SLC4A10: variants seen among roughly 807,000 people sequenced by gnomAD.
The protein encoded by SLC4A10 is sodium-driven chloride bicarbonate exchanger.
SLC4A10 carries 42 observed loss-of-function variants against 137.7 expected under a neutral mutation model. The ratio of observed to expected loss-of-function variants is 0.30; its 90% confidence interval spans 0.24 to 0.39. SLC4A10 has a LOEUF of 0.39. SLC4A10 is among the 10% of genes least tolerant of loss of function. SLC4A10 has a pLI of 1.00. For synonymous variants in SLC4A10, 474 were observed against 464.1 expected, an observed-to-expected ratio of 1.02 and a Z score of -0.27; for missense variants, 925 against 1,355.0, an observed-to-expected ratio of 0.68 and a Z score of 4.98.
At chr2:161,865,993 A>G (rs1419148408) in intron 6 of SLC4A10, among the ~76,000 whole-genome samples, 1 of 152,048 alleles carries the variant, frequency 6.6e-6, no homozygotes, top group African/African-American at 2.4e-5. Context: ...TATAGAATAG[A>G]AATTAAATAG....
intron 1 of SLC4A10, among the ~76,000 whole-genome samples, chr2:161,698,186 C>G (rs1347282037): frequency 6.6e-6 from 1 of 152,130 alleles, no homozygotes; most frequent in Non-Finnish European, 1.5e-5. Context: ...GAAGTTGCTT[C>G]CCAGCTTAAG....
intron 1 of SLC4A10, among the ~76,000 whole-genome samples, chr2:161,723,138 A>G (rs1164524179): frequency 1.3e-5 from 2 of 152,168 alleles, no homozygotes; most frequent in Non-Finnish European, 2.9e-5. Flanking sequence ...GCCTGCCGAG[A>G]GTCCTCACAG....
chr2:161,932,376 T>C (rs1575707736), intron 15 of SLC4A10, among the ~76,000 whole-genome samples: 1 of 152,174 alleles, frequency 6.6e-6, no homozygotes, highest in Non-Finnish European at 1.5e-5. Flanking sequence ...GAGGCTACCA[T>C]GGGTATAATG....
intron 6 of SLC4A10, among the ~76,000 whole-genome samples, chr2:161,871,760 C>A (rs1349595250): frequency 6.6e-6 from 1 of 152,094 alleles, no homozygotes; most frequent in Non-Finnish European, 1.5e-5. Flanking sequence ...GTATTTCTAA[C>A]TGAACCCCCT....
At chr2:161,786,535 T>C (rs937207030) in intron 2 of SLC4A10, among the ~76,000 whole-genome samples, 11 of 151,960 alleles carry the variant, frequency 7.2e-5, no homozygotes, top group Admixed American at 2.6e-4. Flanking sequence ...TGAGCTTTTA[T>C]GACAGGAGAG....
intron 15 of SLC4A10, among the ~76,000 whole-genome samples, chr2:161,937,404 C>A (rs1691772337): frequency 6.6e-6 from 1 of 152,164 alleles, no homozygotes; most frequent in African/African-American, 2.4e-5. Context: ...TCCTCCACCC[C>A]TTCTGTTTCA....
intron 15 of SLC4A10, among the ~76,000 whole-genome samples, chr2:161,912,680 G>T (rs1343697008): frequency 6.6e-6 from 1 of 152,060 alleles, no homozygotes; most frequent in Non-Finnish European, 1.5e-5. Flanking sequence ...GAGACTATTA[G>T]CCATGTCTCA....
chr2:161,754,657 T>G (rs2049388480), intron 1 of SLC4A10, among the ~76,000 whole-genome samples: 1 of 152,162 alleles, frequency 6.6e-6, no homozygotes, highest in Non-Finnish European at 1.5e-5. Context: ...TTGTCTGTCT[T>G]TGTTTTTCCT....
In SLC4A10 at chr2:161,699,757, T is replaced by C. The variant is rs146544970; in HGVS notation, c.49-71216T>C. 5.8e-3 allele frequency among the ~76,000 whole-genome samples: 890 copies of C among 152,300 alleles called. 11 individuals are homozygous for C. Among genetic ancestry groups the C allele is most frequent in the African/African-American group, 0.021 (859 of 41,568 alleles). On this transcript the variant is annotated intron_variant, in intron 1 of 26. Coordinates refer to ENST00000446997, the MANE Select transcript of SLC4A10 (RefSeq NM_001178015.2). ...AGGAAGGTTTCATGGAAGATGTTCT[T>C]TGTTCAACTTTGATGGATAGATAAG...
intron 1 of SLC4A10, among the ~76,000 whole-genome samples, chr2:161,702,778 G>A (rs2043258736): frequency 4.0e-5 from 6 of 151,810 alleles, no homozygotes; most frequent in Admixed American, 3.3e-4. Context: ...TATTCAAAGA[G>A]TTGTTTTGCC....
intron 15 of SLC4A10, among the ~76,000 whole-genome samples, chr2:161,932,089 T>G (rs1233840676): frequency 1.3e-5 from 2 of 152,188 alleles, no homozygotes; most frequent in Non-Finnish European, 2.9e-5. Flanking sequence ...ATCAAACTCT[T>G]ATGGTGTTGG....
At position 161,879,172 on chromosome 2, in the gene SLC4A10, A is replaced by T. The variant is rs536638756; in HGVS notation, c.990A>T (p.Glu330Asp). The part of the protein sequence containing the change: ...HFMKKIPPGA[E>D]ASNILVGELE... ...TGAAAAAGATTCCTCCAGGTGCTGA[A>T]GCATCGAACATCTTAGTGGGAGAAC... is the stretch of plus-strand genomic sequence containing the variant. The change falls in exon 9 of 27, where the codon GAA becomes GAT. Residue 330 changes from glutamate to aspartate, a missense_variant. Glu to Asp is a conservative substitution (Grantham distance 45). This residue lies in a region of SLC4A10 where 277 missense variants were observed against 306.1 expected (regional missense o/e 0.90). Transcript: ENST00000446997. 6.2e-7 allele frequency: 1 copy of T among 1,613,510 alleles called. No individual in the cohort carries two copies. The highest frequency in any genetic ancestry group is 1.1e-5 in the South Asian group (1 of 91,060).
intron 24 of SLC4A10, 51 bp downstream of exon 24, chr2:161,974,367 T>C: frequency 2.1e-6 from 3 of 1,405,156 alleles, no homozygotes; most frequent in Non-Finnish European, 2.9e-6. Context: ...AATGCATTGT[T>C]ATATACTTTA....
At chr2:161,975,005 T>C (rs1699156631) in intron 24 of SLC4A10, among the ~76,000 whole-genome samples, 1 of 152,186 alleles carries the variant, frequency 6.6e-6, no homozygotes, top group Non-Finnish European at 1.5e-5. Context: ...TCTTTATGAA[T>C]AATTTAAGGT....
intron 5 of SLC4A10, among the ~76,000 whole-genome samples, chr2:161,859,276 T>TTTTTCTTTTC (rs139631187): frequency 0.38 from 54,484 of 144,170 alleles, 10,622 homozygotes; most frequent in East Asian, 0.61. Flanking sequence ...GTGCTACTAG[T>TTTTTCTTTTC]TTTTCTTTTC....
intron 12 of SLC4A10, among the ~76,000 whole-genome samples, chr2:161,902,505 G>T (rs1161065384): frequency 6.6e-6 from 1 of 152,058 alleles, no homozygotes; most frequent in Non-Finnish European, 1.5e-5. Flanking sequence ...TACCAAACAT[G>T]GGTAGAGAAG....
intron 1 of SLC4A10, among the ~76,000 whole-genome samples, chr2:161,640,631 TCC>T (rs2035161218): frequency 6.9e-6 from 1 of 145,822 alleles, no homozygotes; most frequent in Non-Finnish European, 1.5e-5. Flanking sequence ...CTTCCTTCCT[TCC>T]TTCCTTCCTT....
At chr2:161,838,568 C>T (rs1280870860) in intron 3 of SLC4A10, among the ~76,000 whole-genome samples, 1 of 151,990 alleles carries the variant, frequency 6.6e-6, no homozygotes, top group Non-Finnish European at 1.5e-5. Flanking sequence ...ACAAATATTG[C>T]AAATCATATG....
chr2:161,896,309 T>C, intron 11 of SLC4A10, among the ~76,000 whole-genome samples: 1 of 151,948 alleles, frequency 6.6e-6, no homozygotes, highest in African/African-American at 2.4e-5. Context: ...CTGTTTTGGT[T>C]ACTGTAGCCT....
Sources: allele counts gnomAD v4.1 joint callset (sites outside exome capture counted in the v4.1 genomes callset), GRCh38; gene constraint gnomAD v4.1.1; regional missense constraint gnomAD v4.1.1; transcripts MANE v1.5; gene names NCBI Gene and HGNC (gene_info 2026-07-23, HGNC 2026-07-21).